NCOA2: variants seen among roughly 807,000 people sequenced by gnomAD.
NCOA2 encodes the protein class E basic helix-loop-helix protein 75.
In NCOA2, 21 loss-of-function variants were observed where a neutral mutation model predicts 145.1. The observed-to-expected ratio is 0.14, with a 90% CI of 0.10 to 0.21. The LOEUF (loss-of-function observed/expected upper bound fraction) is 0.21, where lower values mean the gene tolerates loss of function less well. Ranked by LOEUF, NCOA2 falls within the 10% of genes least tolerant of loss-of-function variation. NCOA2 has a pLI of 1.00. For missense variants in NCOA2, 1,472 were observed against 1,837.6 expected (o/e 0.80, Z 3.64); for synonymous variants, 619 against 637.5 (o/e 0.97, Z 0.44).
intron 1 of NCOA2, among the ~76,000 whole-genome samples, chr8:70,375,302 G>A (rs1811572959): frequency 6.6e-6 from 1 of 152,164 alleles, no homozygotes; most frequent in Non-Finnish European, 1.5e-5. Context: ...CCAGAGGAAG[G>A]CTACCCAACT....
chr8:70,315,841 G>A (rs1399844465), intron 1 of NCOA2, among the ~76,000 whole-genome samples: 1 of 152,196 alleles, frequency 6.6e-6, no homozygotes, highest in Admixed American at 6.5e-5. Context: ...ACGGCTGGCG[G>A]CCCTGAGAGC....
intron 1 of NCOA2, among the ~76,000 whole-genome samples, chr8:70,356,626 A>C (rs916748744): frequency 2.6e-5 from 4 of 152,248 alleles, no homozygotes; most frequent in African/African-American, 9.6e-5. Context: ...ATTCCTGATT[A>C]ACCCTTTAAA....
intron 4 of NCOA2, among the ~76,000 whole-genome samples, chr8:70,194,993 G>A (rs952969348): frequency 6.6e-6 from 1 of 152,152 alleles, no homozygotes; most frequent in Non-Finnish European, 1.5e-5. Flanking sequence ...TTAGCTGTGT[G>A]ACTCTAGAGA....
intron 12 of NCOA2, among the ~76,000 whole-genome samples, chr8:70,147,648 T>C (rs112399291): frequency 3.3e-5 from 5 of 152,148 alleles, no homozygotes; most frequent in Admixed American, 6.5e-5. Flanking sequence ...AATGAAAAGA[T>C]AGAAGATGTT....
intron 5 of NCOA2, among the ~76,000 whole-genome samples, chr8:70,173,560 T>C (rs1814482408): frequency 6.6e-6 from 1 of 152,192 alleles, no homozygotes; most frequent in South Asian, 2.1e-4. Context: ...TTGTTGACTA[T>C]GGAAAATTGG....
intron 2 of NCOA2, among the ~76,000 whole-genome samples, chr8:70,282,685 T>TAA (rs1237940613): frequency 9.8e-6 from 1 of 101,764 alleles, no homozygotes; most frequent in Non-Finnish European, 2.0e-5. Flanking sequence ...CAAAACTGCC[T>TAA]CAAAAAAAAA....
At chr8:70,338,744 C>G (rs966537467) in intron 1 of NCOA2, among the ~76,000 whole-genome samples, 5 of 152,122 alleles carry the variant, frequency 3.3e-5, no homozygotes, top group African/African-American at 1.2e-4. Flanking sequence ...CCACCAGGAT[C>G]AAGGTGGCTT....
chr8:70,282,602 C>T (rs537470711), intron 2 of NCOA2, among the ~76,000 whole-genome samples: 5 of 151,276 alleles, frequency 3.3e-5, no homozygotes, highest in Middle Eastern at 3.2e-3. Flanking sequence ...GCAGGAGAAT[C>T]GCTTGAACCC....
chr8:70,137,425 A>G (rs956361802), intron 15 of NCOA2, among the ~76,000 whole-genome samples: 1 of 152,256 alleles, frequency 6.6e-6, no homozygotes, highest in East Asian at 1.9e-4. Context: ...CCTAAAAACT[A>G]ATCTTTGACA....
At chr8:70,441,574 GAGAA>G in the NCOA2 span, among the ~76,000 whole-genome samples, 1,819 of 149,328 alleles carry the variant, frequency 0.012, 40 homozygotes, top group African/African-American at 0.042. Flanking sequence ...GAGAAAGAAA[GAGAA>G]AGAAAAGAAA....
chr8:70,240,619 A>G (rs58840722), intron 2 of NCOA2, among the ~76,000 whole-genome samples: 9,620 of 152,244 alleles, frequency 0.063, 1,020 homozygotes, highest in African/African-American at 0.22. Context: ...CTTATGAGAA[A>G]ATATGAATGT....
At chr8:70,295,427 A>G (rs1240232377) in intron 2 of NCOA2, among the ~76,000 whole-genome samples, 1 of 152,206 alleles carries the variant, frequency 6.6e-6, no homozygotes, top group African/African-American at 2.4e-5. Context: ...CAGTATGGAG[A>G]CGAGAAGCTG....
chr8:70,344,353 C>CGG (rs984437172), intron 1 of NCOA2, among the ~76,000 whole-genome samples: 1 of 152,140 alleles, frequency 6.6e-6, no homozygotes, highest in Non-Finnish European at 1.5e-5. Flanking sequence ...ACAGAGTGTG[C>CGG]GGGGCGGCAG....
At chr8:70,290,431 G>A (rs983826414) in intron 2 of NCOA2, among the ~76,000 whole-genome samples, 2 of 151,918 alleles carry the variant, frequency 1.3e-5, no homozygotes, top group Admixed American at 6.6e-5. Flanking sequence ...CTCGTGATCC[G>A]CCTGCCTCGG....
chr8:70,294,614 T>A (rs1018917385), intron 2 of NCOA2, among the ~76,000 whole-genome samples: 3 of 152,332 alleles, frequency 2.0e-5, no homozygotes, highest in African/African-American at 7.2e-5. Flanking sequence ...GCTTTTAAAT[T>A]AATTTTGAAG....
At chr8:70,118,367 A>T (rs1807382321) in intron 22 of NCOA2, among the ~76,000 whole-genome samples, 1 of 152,152 alleles carries the variant, frequency 6.6e-6, no homozygotes, top group South Asian at 2.1e-4. Context: ...GCCACGACTG[A>T]GTTGTGTGGC....
intron 2 of NCOA2, among the ~76,000 whole-genome samples, chr8:70,231,740 G>A (rs1358415020): frequency 6.6e-6 from 1 of 152,158 alleles, no homozygotes; most frequent in Non-Finnish European, 1.5e-5. Context: ...AGTGGGGATA[G>A]TAGGTGGGGT....
At chr8:70,363,942 T>C (rs1031981687) in intron 1 of NCOA2, among the ~76,000 whole-genome samples, 6 of 151,922 alleles carry the variant, frequency 3.9e-5, no homozygotes, top group African/African-American at 1.5e-4. Flanking sequence ...AAAACCCCTC[T>C]TTATGCTATT....
At chr8:70,204,334 C>T (rs1028789977) in intron 4 of NCOA2, among the ~76,000 whole-genome samples, 10 of 152,172 alleles carry the variant, frequency 6.6e-5, no homozygotes, top group South Asian at 2.1e-4. Context: ...ATATTCTAGT[C>T]GACAAGCTGT....
Sources: allele counts gnomAD v4.1 joint callset (sites outside exome capture counted in the v4.1 genomes callset), GRCh38; gene constraint gnomAD v4.1.1; transcripts MANE v1.5; gene names NCBI Gene and HGNC (gene_info 2026-07-23, HGNC 2026-07-21).